NRXN3: variants seen among roughly 807,000 people sequenced by gnomAD.
NRXN3 encodes the protein neurexin 3.
In NRXN3, 32 loss-of-function variants were observed where a neutral mutation model predicts 137.6. That is an observed-to-expected ratio of 0.23 (90% CI 0.18 to 0.31). NRXN3 has a LOEUF of 0.31. Ranked by LOEUF, NRXN3 falls within the 10% of genes least tolerant of loss-of-function variation. The probability of loss-of-function intolerance (pLI) is 1.00; values close to 1 mark genes in which losing one functional copy is unlikely to be tolerated. For synonymous variants in NRXN3, 798 were observed against 784.5 expected, an observed-to-expected ratio of 1.02 and a Z score of -0.29; for missense variants, 1,574 against 2,062.5, an observed-to-expected ratio of 0.76 and a Z score of 4.59.
At chr14:78,706,091 CTCTT>C (rs1296267199) in intron 6 of NRXN3, among the ~76,000 whole-genome samples, 3 of 152,322 alleles carry the variant, frequency 2.0e-5, no homozygotes, top group Non-Finnish European at 2.9e-5. Context: ...TGCCTGATCT[CTCTT>C]TCTATTTATT....
intron 20 of NRXN3, among the ~76,000 whole-genome samples, chr14:79,829,360 G>C (rs993571194): frequency 6.6e-5 from 10 of 152,166 alleles, no homozygotes; most frequent in Non-Finnish European, 1.0e-4. Flanking sequence ...TACTGGGTTG[G>C]AACATATGTA....
chr14:79,706,696 C>G (rs2098781334), intron 19 of NRXN3, among the ~76,000 whole-genome samples: 1 of 152,080 alleles, frequency 6.6e-6, no homozygotes, highest in African/African-American at 2.4e-5. Flanking sequence ...CCCAGCTGCT[C>G]TCCGATAAAT....
intron 18 of NRXN3, 53 bp from the exon 19 acceptor site, chr14:79,697,577 C>A: frequency 6.4e-7 from 1 of 1,566,218 alleles, no homozygotes; most frequent in Non-Finnish European, 8.7e-7. Flanking sequence ...CCAGGTAAGG[C>A]AAACAAGGAA....
At chr14:79,764,087 C>T (rs1039732585) in intron 19 of NRXN3, among the ~76,000 whole-genome samples, 1 of 150,732 alleles carries the variant, frequency 6.6e-6, no homozygotes, top group African/African-American at 2.5e-5. Flanking sequence ...AATAGTTCAC[C>T]CTGTCCAATG....
At chr14:79,825,636 A>G (rs949000774) in intron 20 of NRXN3, among the ~76,000 whole-genome samples, 3 of 152,206 alleles carry the variant, frequency 2.0e-5, no homozygotes, top group African/African-American at 4.8e-5. Flanking sequence ...CTAGAGTCCA[A>G]CACATCCCAA....
rs370669288 is a variant in NRXN3 at position 78,602,267 on chromosome 14, C to CTTTTTTTTTTTTTTTTT, written c.758-42848_758-42832dup. 2.5e-3 allele frequency among the ~76,000 whole-genome samples: 288 copies of CTTTTTTTTTTTTTTTTT among 115,210 alleles called. 16 individuals are homozygous for CTTTTTTTTTTTTTTTTT. In the East Asian group the frequency reaches 0.049, roughly 19 times the overall value. The allele number at this position is 115,210 out of a possible 152,430, so 75.6% of individuals were successfully genotyped here. A position where few individuals can be genotyped will look rare whatever the true frequency, so the allele number is the denominator to read the frequency against. ...GGTTTGGTTTGCATTTCACATTAGCCTTTTTTTTTTTTTTTTTTTTTAAAT... is the reference window on the plus strand; with the variant it reads ...GGTTTGGTTTGCATTTCACATTAGCCTTTTTTTTTTTTTTTTTTTTTTTTTTTTTTTTTTTTTTAAAT... On this transcript the variant is annotated intron_variant, in intron 4 of 20. Coordinates refer to ENST00000335750, the MANE Select transcript of NRXN3 (RefSeq NM_001330195.2).
intron 15 of NRXN3, among the ~76,000 whole-genome samples, chr14:79,183,220 T>A (rs1194501376): frequency 2.0e-5 from 3 of 152,240 alleles, no homozygotes; most frequent in African/African-American, 7.2e-5. Flanking sequence ...GAAATTATTA[T>A]CAAAACCTCA....
intron 8 of NRXN3, among the ~76,000 whole-genome samples, chr14:78,783,597 G>A (rs1356710081): frequency 1.3e-5 from 2 of 152,054 alleles, no homozygotes; most frequent in South Asian, 2.1e-4. Context: ...TTAGCATTAG[G>A]GGGAGTAAGG....
At chr14:79,843,525 T>C (rs747524949) in intron 20 of NRXN3, among the ~76,000 whole-genome samples, 13 of 152,182 alleles carry the variant, frequency 8.5e-5, no homozygotes, top group Non-Finnish European at 8.8e-5. Flanking sequence ...ACAAAAGATT[T>C]CTCTGTAGCA....
At chr14:79,468,407 A>T (rs1255338839) in intron 16 of NRXN3, among the ~76,000 whole-genome samples, 1 of 152,238 alleles carries the variant, frequency 6.6e-6, no homozygotes, top group Non-Finnish European at 1.5e-5. Context: ...GTTAGCAATG[A>T]CAAGGCTAGA....
intron 4 of NRXN3, among the ~76,000 whole-genome samples, chr14:78,308,090 C>CT (rs1451228553): frequency 2.2e-5 from 3 of 135,154 alleles, no homozygotes; most frequent in Non-Finnish European, 4.9e-5. Flanking sequence ...ATAACATTTT[C>CT]TTGTTTTTTT....
At chr14:79,856,877 A>G (rs1312259566) in intron 20 of NRXN3, among the ~76,000 whole-genome samples, 2 of 152,026 alleles carry the variant, frequency 1.3e-5, no homozygotes, top group African/African-American at 4.8e-5. Flanking sequence ...GAAAAGCACA[A>G]TCCTGCCAAA....
At chr14:78,535,395 A>G (rs1212280318) in intron 4 of NRXN3, among the ~76,000 whole-genome samples, 3 of 152,240 alleles carry the variant, frequency 2.0e-5, no homozygotes, top group Non-Finnish European at 4.4e-5. Flanking sequence ...AGGATTATGC[A>G]GTAAAATAGT....
At chr14:79,449,707 C>T (rs1027057080) in intron 15 of NRXN3, among the ~76,000 whole-genome samples, 7 of 152,050 alleles carry the variant, frequency 4.6e-5, no homozygotes, top group African/African-American at 1.2e-4. Flanking sequence ...GATATAGAAT[C>T]GGCCAGGCGC....
At chr14:79,267,297 C>T (rs141851652) in intron 15 of NRXN3, among the ~76,000 whole-genome samples, 1 of 151,956 alleles carries the variant, frequency 6.6e-6, no homozygotes, top group East Asian at 1.9e-4. Context: ...ATTTTCTAAA[C>T]ACGCATAAAT....
intron 15 of NRXN3, among the ~76,000 whole-genome samples, chr14:79,141,566 G>T (rs2058788271): frequency 6.6e-6 from 1 of 152,154 alleles, no homozygotes; most frequent in Admixed American, 6.5e-5. Context: ...CTTCTCTTTG[G>T]CTCAGGATCA....
At chr14:78,527,248 G>C (rs1195519356) in intron 4 of NRXN3, among the ~76,000 whole-genome samples, 1 of 152,202 alleles carries the variant, frequency 6.6e-6, no homozygotes, top group Non-Finnish European at 1.5e-5. Flanking sequence ...AGGCTGTACA[G>C]GAAGCACAGC....
At chr14:79,817,448 T>C (rs1156429526) in intron 20 of NRXN3, among the ~76,000 whole-genome samples, 1 of 152,244 alleles carries the variant, frequency 6.6e-6, no homozygotes, top group Non-Finnish European at 1.5e-5. Flanking sequence ...TTGCCACTGC[T>C]ACAACTTTGT....
At chr14:78,372,434 C>T (rs1284745130) in intron 4 of NRXN3, among the ~76,000 whole-genome samples, 1 of 152,178 alleles carries the variant, frequency 6.6e-6, no homozygotes, top group East Asian at 1.9e-4. Flanking sequence ...AAGCAATTCT[C>T]CTGCCTCAGC....
Sources: gnomAD v4.1 joint callset for allele counts (sites outside exome capture counted in the v4.1 genomes callset) on GRCh38, gnomAD v4.1.1 for gene constraint, MANE v1.5 for transcripts, NCBI Gene and HGNC (gene_info 2026-07-23, HGNC 2026-07-21) for gene names.